Variants in AGBL4 observed in about 807,000 individuals in gnomAD.
AGBL4 encodes the protein AGBL carboxypeptidase 4.
In AGBL4, 58 loss-of-function variants were observed where a neutral mutation model predicts 66.4. The ratio of observed to expected loss-of-function variants is 0.87; its 90% CI spans 0.71 to 1.09. The LOEUF (loss-of-function observed/expected upper bound fraction) is 1.09. AGBL4 is among the 50% of genes least tolerant of loss of function. The pLI, the probability that AGBL4 is intolerant of heterozygous loss-of-function variation, is 0.00. For synonymous variants in AGBL4, 234 were observed against 222.9 expected (o/e 1.05, Z -0.44); for missense variants, 579 against 631.0 (o/e 0.92, Z 0.88).
intron 2 of AGBL4, among the ~76,000 whole-genome samples, chr1:49,785,601 G>GT (rs1295846633): frequency 6.6e-6 from 1 of 151,848 alleles, no homozygotes; most frequent in Non-Finnish European, 1.5e-5. Flanking sequence ...TAACAATGAT[G>GT]TTCTGAAAAC....
At chr1:49,756,064 C>T (rs1304850919) in intron 2 of AGBL4, among the ~76,000 whole-genome samples, 1 of 152,054 alleles carries the variant, frequency 6.6e-6, no homozygotes, top group East Asian at 1.9e-4. Context: ...CTTTTATACT[C>T]AGTACTCTTC....
intron 6 of AGBL4, among the ~76,000 whole-genome samples, chr1:48,785,185 G>A (rs1160371159): frequency 1.3e-5 from 2 of 152,130 alleles, no homozygotes; most frequent in Admixed American, 1.3e-4. Context: ...TTTCTTCATG[G>A]AGTGTATCTT....
At chr1:48,604,341 A>G (rs1439515255) in intron 9 of AGBL4, among the ~76,000 whole-genome samples, 2 of 152,102 alleles carry the variant, frequency 1.3e-5, no homozygotes, top group African/African-American at 4.8e-5. Context: ...TTTGAGCTGT[A>G]TGTTTGCCTC....
chr1:49,847,160 G>C (rs1222325325), intron 2 of AGBL4, among the ~76,000 whole-genome samples: 1 of 152,170 alleles, frequency 6.6e-6, no homozygotes, highest in Non-Finnish European at 1.5e-5. Flanking sequence ...ACATTGGGAA[G>C]AGGACATTGT....
chr1:48,859,852 C>T (rs1222733064), intron 6 of AGBL4, among the ~76,000 whole-genome samples: 1 of 152,138 alleles, frequency 6.6e-6, no homozygotes, highest in Non-Finnish European at 1.5e-5. Flanking sequence ...TAAGAATGCT[C>T]ACCGTGGTGT....
intron 4 of AGBL4, among the ~76,000 whole-genome samples, chr1:49,092,842 T>C (rs1182518335): frequency 2.6e-5 from 4 of 152,160 alleles, no homozygotes; most frequent in Non-Finnish European, 5.9e-5. Flanking sequence ...CTGAACACTG[T>C]TCTGCCAGGC....
intron 5 of AGBL4, among the ~76,000 whole-genome samples, chr1:48,935,312 G>C (rs1213416760): frequency 6.6e-6 from 1 of 152,118 alleles, no homozygotes; most frequent in Non-Finnish European, 1.5e-5. Context: ...TCCCTTACCA[G>C]AGTGTCTTTA....
intron 3 of AGBL4, among the ~76,000 whole-genome samples, chr1:49,298,233 T>C (rs918196197): frequency 1.3e-5 from 2 of 152,196 alleles, no homozygotes; most frequent in African/African-American, 2.4e-5. Flanking sequence ...CAGCCTTTTC[T>C]TTAATCCAAG....
chr1:48,759,826 A>G (rs1486265069), intron 6 of AGBL4, among the ~76,000 whole-genome samples: 1 of 152,174 alleles, frequency 6.6e-6, no homozygotes, highest in East Asian at 1.9e-4. Flanking sequence ...AAAAACTCTA[A>G]TCTACTCTAA....
At chr1:48,807,530 G>T (rs1206698196) in intron 6 of AGBL4, among the ~76,000 whole-genome samples, 2 of 152,168 alleles carry the variant, frequency 1.3e-5, no homozygotes, top group Non-Finnish European at 2.9e-5. Flanking sequence ...CCCTGTGAGA[G>T]GTGAAAGTTG....
chr1:48,630,904 C>T (rs1645582748), intron 9 of AGBL4, among the ~76,000 whole-genome samples: 1 of 152,144 alleles, frequency 6.6e-6, no homozygotes, highest in Non-Finnish European at 1.5e-5. Flanking sequence ...CTGACCTGAG[C>T]ATCCCTCATG....
At chr1:48,542,231 C>T (rs1288529012) in intron 11 of AGBL4, among the ~76,000 whole-genome samples, 1 of 152,174 alleles carries the variant, frequency 6.6e-6, no homozygotes, top group East Asian at 1.9e-4. Flanking sequence ...TTTCTTTATC[C>T]ATTCTATCAT....
intron 5 of AGBL4, among the ~76,000 whole-genome samples, chr1:48,985,881 C>CAGAT: frequency 6.6e-6 from 1 of 151,948 alleles, no homozygotes; most frequent in East Asian, 1.9e-4. Context: ...AGAACTGATA[C>CAGAT]AGATGTTAGC....
rs535999264 is a variant in AGBL4 at position 49,799,141 on chromosome 1, G to A, written c.157+52255C>T. On this transcript the variant is annotated intron_variant, in intron 2 of 13. Transcript: ENST00000371839. ...GCACCATGTGCATTGCAAACGTCTCGCTGAAGTTAATTTTCATTAAAAGCA... is the reference window on the plus strand; with the variant it reads ...GCACCATGTGCATTGCAAACGTCTCACTGAAGTTAATTTTCATTAAAAGCA... Among the ~76,000 whole-genome samples the A allele has an allele frequency of 7.9e-5, 12 of 152,136 alleles. No individual in the cohort carries two copies. The South Asian group carries it at 1.0e-3, about 13-fold the overall frequency.
At chr1:49,744,020 G>A (rs530022521) in intron 2 of AGBL4, among the ~76,000 whole-genome samples, 13 of 151,830 alleles carry the variant, frequency 8.6e-5, no homozygotes, top group African/African-American at 3.1e-4. Flanking sequence ...AAATCTGCAC[G>A]TTGTGCACAT....
intron 6 of AGBL4, among the ~76,000 whole-genome samples, chr1:48,797,267 G>A (rs894952481): frequency 4.6e-5 from 7 of 152,068 alleles, no homozygotes; most frequent in Non-Finnish European, 8.8e-5. Flanking sequence ...GTGGTTTTTG[G>A]TTACATGGAT....
intron 6 of AGBL4, among the ~76,000 whole-genome samples, chr1:48,756,774 G>A (rs1643952948): frequency 6.6e-6 from 1 of 152,238 alleles, no homozygotes; most frequent in African/African-American, 2.4e-5. Context: ...GAGAGACAGT[G>A]GGTGTGATTT....
At position 48,634,632 on chromosome 1, in the gene AGBL4, T is replaced by C. The variant is rs368549103; in HGVS notation, c.840-28A>G. ...AGGCAGTACCCAAAGTAAGAGTCAA[T>C]ATAGACAGGATAAGCTGAGCTTCTC... On this transcript the variant is annotated intron_variant, in intron 8 of 13. Coordinates refer to ENST00000371839, the MANE Select transcript of AGBL4 (RefSeq NM_032785.4). 8 of 1,516,060 alleles carry C rather than the reference T, an allele frequency of 5.3e-6. No homozygotes were observed. The African/African-American group carries it at 6.9e-5, about 13-fold the overall frequency. The allele number at this position is 1,516,060 out of a possible 1,614,324, so 93.9% of individuals were successfully genotyped here. A position where few individuals can be genotyped will look rare whatever the true frequency, so the allele number is the denominator to read the frequency against.
At chr1:49,364,117 G>T (rs1272288211) in intron 3 of AGBL4, among the ~76,000 whole-genome samples, 1 of 152,208 alleles carries the variant, frequency 6.6e-6, no homozygotes, top group East Asian at 1.9e-4. Flanking sequence ...AGAGGTAGGA[G>T]ATGATAAGGC....
Sources: allele counts gnomAD v4.1 joint callset (sites outside exome capture counted in the v4.1 genomes callset), GRCh38; gene constraint gnomAD v4.1.1; transcripts MANE v1.5; gene names NCBI Gene and HGNC (gene_info 2026-07-23, HGNC 2026-07-21).